The following NME7 variants were observed in gnomAD, a reference collection of about 807,000 sequenced individuals.
The protein encoded by NME7 is NME/NM23 family member 7.
NME7 carries 41 observed loss-of-function variants against 49.1 expected under a neutral mutation model. That is an observed-to-expected ratio of 0.83 (90% confidence interval 0.65 to 1.08). NME7 has a LOEUF of 1.08. Among genes scored for constraint, NME7 ranks in the 50% least tolerant of loss-of-function variants. NME7 has a pLI of 0.00. For synonymous variants in NME7, 139 were observed against 150.6 expected (o/e 0.92, Z 0.56); for missense variants, 423 against 463.4 (o/e 0.91, Z 0.80).
intron 10 of NME7, among the ~76,000 whole-genome samples, chr1:169,189,810 T>A (rs1660165985): frequency 6.6e-6 from 1 of 152,210 alleles, no homozygotes; most frequent in African/African-American, 2.4e-5. Flanking sequence ...AAATGTGACA[T>A]GACTATAACA....
intron 1 of NME7, among the ~76,000 whole-genome samples, chr1:169,332,330 T>G (rs989689810): frequency 5.3e-5 from 8 of 152,136 alleles, no homozygotes; most frequent in African/African-American, 1.9e-4. Flanking sequence ...AAAAATGGAT[T>G]AAAGTCTTAA....
At chr1:169,300,830 G>A (rs953783739) in intron 5 of NME7, among the ~76,000 whole-genome samples, 4 of 152,070 alleles carry the variant, frequency 2.6e-5, no homozygotes, top group African/African-American at 7.2e-5. Context: ...AATAAGCAAT[G>A]GAGAAAGGAT....
chr1:169,268,074 C>G lies in NME7; in HGVS notation c.754+19229G>C, dbSNP rs1281573707. On this transcript the variant is annotated intron_variant, in intron 7 of 11. Coordinates refer to ENST00000367811, the MANE Select transcript of NME7 (RefSeq NM_013330.5). ...TCTAACATCCAGAATCTATGAGGAA[C>G]TTAAACAAATTTACAGGAAAAAAAT... is the stretch of plus-strand genomic sequence containing the variant. Among the ~76,000 whole-genome samples the G allele has an allele frequency of 3.8e-5, 5 of 133,000 alleles. 1 individual carries two copies. Among genetic ancestry groups the G allele is most frequent in the Admixed American group, 3.7e-4 (5 of 13,594 alleles). The allele number at this position is 133,000 out of a possible 152,430, so 87.3% of individuals were successfully genotyped here.
intron 3 of NME7, among the ~76,000 whole-genome samples, chr1:169,316,890 C>T (rs1326427145): frequency 6.6e-6 from 1 of 151,202 alleles, no homozygotes; most frequent in Non-Finnish European, 1.5e-5. Context: ...AAGTGACTAA[C>T]TTGGTAGTAA....
chr1:169,274,128 T>C (rs1370402000), intron 7 of NME7, among the ~76,000 whole-genome samples: 1 of 131,356 alleles, frequency 7.6e-6, no homozygotes, highest in South Asian at 2.4e-4. Flanking sequence ...CCAGCACCTG[T>C]TGTATCCTGA....
At chr1:169,141,461 G>C (rs753219280) in intron 11 of NME7, among the ~76,000 whole-genome samples, 12 of 152,188 alleles carry the variant, frequency 7.9e-5, no homozygotes, top group Non-Finnish European at 1.3e-4. Context: ...ACAATAAACA[G>C]TGATTCGGGA....
intron 1 of NME7, among the ~76,000 whole-genome samples, chr1:169,326,031 C>T (rs1571391372): frequency 1.3e-5 from 2 of 151,818 alleles, no homozygotes; most frequent in East Asian, 3.9e-4. Flanking sequence ...AAAATTTTTA[C>T]TATCCATAAT....
At chr1:169,195,689 T>A (rs1291171111) in intron 10 of NME7, among the ~76,000 whole-genome samples, 1 of 152,218 alleles carries the variant, frequency 6.6e-6, no homozygotes, top group Non-Finnish European at 1.5e-5. Context: ...TCATGAGATG[T>A]GTATTTAAAC....
chr1:169,219,537 C>A (rs1470274000), intron 10 of NME7, among the ~76,000 whole-genome samples: 1 of 151,224 alleles, frequency 6.6e-6, no homozygotes, highest in Non-Finnish European at 1.5e-5. Context: ...GCATTCTGTA[C>A]TTCTCACTAA....
intron 11 of NME7, among the ~76,000 whole-genome samples, chr1:169,139,441 C>T (rs1407928280): frequency 2.6e-5 from 4 of 152,208 alleles, no homozygotes; most frequent in African/African-American, 9.6e-5. Flanking sequence ...AGAGCTCACA[C>T]TAGGGATGTA....
At chr1:169,185,125 T>C (rs1660032027) in intron 10 of NME7, among the ~76,000 whole-genome samples, 2 of 152,176 alleles carry the variant, frequency 1.3e-5, no homozygotes. Flanking sequence ...CTACTTTAGT[T>C]CAGCAAAATG....
chr1:169,338,055 C>T (rs16862089), intron 1 of NME7, among the ~76,000 whole-genome samples: 3,869 of 152,242 alleles, frequency 0.025, 137 homozygotes, highest in African/African-American at 0.086. Flanking sequence ...TCAACTCCAA[C>T]TTAGCATTTC....
At chr1:169,152,154 C>T (rs1658932404) in intron 11 of NME7, among the ~76,000 whole-genome samples, 1 of 152,026 alleles carries the variant, frequency 6.6e-6, no homozygotes, top group Non-Finnish European at 1.5e-5. Flanking sequence ...TTATATATAG[C>T]CTTTCCTTTG....
intron 11 of NME7, among the ~76,000 whole-genome samples, chr1:169,145,709 G>T (rs1658727497): frequency 6.6e-6 from 1 of 152,162 alleles, no homozygotes; most frequent in African/African-American, 2.4e-5. Flanking sequence ...ATAAGGGTGT[G>T]CTTACAACAA....
intron 1 of NME7, among the ~76,000 whole-genome samples, chr1:169,328,203 G>C (rs1439459487): frequency 6.6e-6 from 1 of 152,138 alleles, no homozygotes; most frequent in East Asian, 1.9e-4. Context: ...TTTTTGGAGG[G>C]GGGGATTATG....
At chr1:169,323,678 A>C (rs11805562) in intron 2 of NME7, among the ~76,000 whole-genome samples, 7,246 of 152,266 alleles carry the variant, frequency 0.048, 229 homozygotes, top group East Asian at 0.12. Context: ...GTGAAAGAAC[A>C]CAAAGAAACA....
rs553497180 is a variant in NME7 at position 169,194,046 on chromosome 1, T to C, written c.991-24492A>G. 6.0e-5 allele frequency among the ~76,000 whole-genome samples: 9 copies of C among 151,244 alleles called. No individual in the cohort carries two copies. The South Asian group carries it at 6.2e-4, about 10-fold the overall frequency. ...TCATTCAGATAAACATACTGAAAAA[T>C]AGCGAGGCAAAAAAGACTGATACAA... On this transcript the variant is annotated intron_variant, in intron 10 of 11. Coordinates refer to ENST00000367811, the MANE Select transcript of NME7 (RefSeq NM_013330.5).
At chr1:169,210,529 T>C (rs1490757991) in intron 10 of NME7, among the ~76,000 whole-genome samples, 3 of 152,128 alleles carry the variant, frequency 2.0e-5, no homozygotes, top group African/African-American at 4.8e-5. Flanking sequence ...AAGTTTGTTG[T>C]TTAGATAGTC....
intron 7 of NME7, chr1:169,285,154 T>G (rs547594776): frequency 6.6e-6 from 1 of 152,296 alleles, no homozygotes; most frequent in South Asian, 2.1e-4. Context: ...ATTTTTTTTT[T>G]GATTTTGAAA....
Sources: allele counts gnomAD v4.1 joint callset (sites outside exome capture counted in the v4.1 genomes callset), GRCh38; gene constraint gnomAD v4.1.1; transcripts MANE v1.5; gene names NCBI Gene and HGNC (gene_info 2026-07-23, HGNC 2026-07-21).